CPS1: variants seen among roughly 807,000 people sequenced by gnomAD.
CPS1 encodes carbamoyl-phosphate synthase 1.
A neutral mutation model predicts 174.6 loss-of-function variants in CPS1; 109 were observed. The ratio of observed to expected loss-of-function variants is 0.62; its 90% CI spans 0.53 to 0.73. The LOEUF is 0.73. Ranked by LOEUF, CPS1 falls within the 30% of genes least tolerant of loss-of-function variation. The pLI is 0.00. For missense variants in CPS1, 1,689 were observed against 1,821.9 expected (o/e 0.93, Z 1.33); for synonymous variants, 637 against 632.0 (o/e 1.01, Z -0.12).
At chr2:210,593,932 C>T (rs561241486) in intron 11 of CPS1, among the ~76,000 whole-genome samples, 2 of 151,888 alleles carry the variant, frequency 1.3e-5, no homozygotes, top group Admixed American at 6.6e-5. Flanking sequence ...ATTAGTACTT[C>T]GGATTAGGAA....
chr2:210,558,536 C>T (rs1174272463), intron 1 of CPS1, among the ~76,000 whole-genome samples: 1 of 151,980 alleles, frequency 6.6e-6, no homozygotes, highest in African/African-American at 2.4e-5. Flanking sequence ...AAGTTATCCC[C>T]TATGATTATA....
At chr2:210,493,452 C>G (rs1192785952) in intron 1 of CPS1, among the ~76,000 whole-genome samples, 1 of 152,174 alleles carries the variant, frequency 6.6e-6, no homozygotes, top group African/African-American at 2.4e-5. Flanking sequence ...CTCAGTGTTT[C>G]TGAGTGAGAT....
rs1253889114 is a variant in CPS1, at chr2:210,606,807, T to C, written c.2058T>C (p.Asn686=). 4 of 1,612,652 alleles carry C rather than the reference T, an allele frequency of 2.5e-6. No individual in the cohort carries two copies. The South Asian group carries it at 3.3e-5, about 13-fold the overall frequency. The stretch of plus-strand genomic sequence containing the variant: ...AGATGTTGAGACGTACTTCAATCAA[T>C]GTTGTTCGCCACTTGGGCATTGTGG... The part of the protein sequence containing the change: ...EFQMLRRTSI[N]VVRHLGIVGE... The change falls in exon 18 of 38, where the codon AAT becomes AAC. Residue 686 remains asparagine (N), a synonymous_variant. Transcript: ENST00000233072.
At chr2:210,636,580 G>T (rs1232973749) in intron 21 of CPS1, among the ~76,000 whole-genome samples, 1 of 151,996 alleles carries the variant, frequency 6.6e-6, no homozygotes, top group East Asian at 1.9e-4. Context: ...CTTAAATCCA[G>T]CAGGAAAAAG....
intron 6 of CPS1, among the ~76,000 whole-genome samples, chr2:210,583,078 A>G (rs940328433): frequency 1.3e-5 from 2 of 152,150 alleles, no homozygotes; most frequent in African/African-American, 2.4e-5. Context: ...CAGAGAGCCA[A>G]GAGAATTTTA....
chr2:210,525,060 A>T (rs141591012), intron 1 of CPS1, among the ~76,000 whole-genome samples: 1 of 151,896 alleles, frequency 6.6e-6, no homozygotes, highest in Non-Finnish European at 1.5e-5. Flanking sequence ...TTCCCGTAGT[A>T]ATAAGAACTA....
intron 23 of CPS1, among the ~76,000 whole-genome samples, chr2:210,639,569 G>A (rs1032385420): frequency 1.5e-5 from 2 of 130,074 alleles, no homozygotes; most frequent in Non-Finnish European, 3.1e-5. Flanking sequence ...CCGAGATTGC[G>A]CCACTGCAGT....
At chr2:210,631,912 A>G (rs1699883704) in intron 21 of CPS1, among the ~76,000 whole-genome samples, 1 of 152,238 alleles carries the variant, frequency 6.6e-6, no homozygotes, top group African/African-American at 2.4e-5. Flanking sequence ...TTTATTATGC[A>G]TATTTTAAAA....
intron 1 of CPS1, among the ~76,000 whole-genome samples, chr2:210,502,998 C>T (rs1286911030): frequency 2.0e-5 from 3 of 152,088 alleles, no homozygotes; most frequent in Non-Finnish European, 4.4e-5. Flanking sequence ...CAGGCACTGA[C>T]CTAATTTTTA....
At chr2:210,497,149 T>C (rs1695010035) in intron 1 of CPS1, among the ~76,000 whole-genome samples, 1 of 152,158 alleles carries the variant, frequency 6.6e-6, no homozygotes, top group Non-Finnish European at 1.5e-5. Context: ...TCATTACATT[T>C]GACCCAGATT....
At chr2:210,582,177 A>G (rs1288939206) in intron 5 of CPS1, among the ~76,000 whole-genome samples, 1 of 152,194 alleles carries the variant, frequency 6.6e-6, no homozygotes, top group Non-Finnish European at 1.5e-5. Flanking sequence ...GTGAATTAAT[A>G]TTACTATCAT....
At chr2:210,647,264 G>A (rs1247773675) in intron 25 of CPS1, among the ~76,000 whole-genome samples, 2 of 152,150 alleles carry the variant, frequency 1.3e-5, no homozygotes, top group Non-Finnish European at 2.9e-5. Context: ...GTGGTGCAGA[G>A]AATTTGTTAG....
chr2:210,642,431 A>G (rs1317328800), intron 24 of CPS1, 53 bp from the exon 25 acceptor site: 34 of 1,600,286 alleles, frequency 2.1e-5, no homozygotes, highest in Middle Eastern at 1.7e-4. Flanking sequence ...TTCTCTTTGT[A>G]TTGTAACTTC....
chr2:210,509,520 G>A (rs930915481), intron 1 of CPS1, among the ~76,000 whole-genome samples: 1 of 152,204 alleles, frequency 6.6e-6, no homozygotes, highest in Non-Finnish European at 1.5e-5. Flanking sequence ...AGTGTTGGAA[G>A]TTCTGGCCAG....
chr2:210,483,292 C>G (rs1388987801), intron 1 of CPS1, among the ~76,000 whole-genome samples: 2 of 152,118 alleles, frequency 1.3e-5, no homozygotes, highest in Non-Finnish European at 2.9e-5. Flanking sequence ...ATCCACATCC[C>G]CTTCCTAATA....
chr2:210,663,217 T>C lies in CPS1; in HGVS notation c.4002+20T>C, dbSNP rs1159283056. ...GGAGAGGTAACTAGTTAATAATCCA[T>C]GGAAGCTTTCATTAAATCTACTTTG... On this transcript the variant is annotated intron_variant, in intron 33 of 37. Transcript: ENST00000233072. 1 of 1,601,812 alleles carries C rather than the reference T, an allele frequency of 6.2e-7. No individual in the cohort carries two copies. Among genetic ancestry groups the C allele is most frequent in the Non-Finnish European group, 8.6e-7 (1 of 1,168,788 alleles).
At chr2:210,677,351 A>C (rs535154968) in intron 37 of CPS1, among the ~76,000 whole-genome samples, 1 of 152,372 alleles carries the variant, frequency 6.6e-6, no homozygotes, top group South Asian at 2.1e-4. Flanking sequence ...ATCAAAGGCC[A>C]TGAATGGCCA....
intron 4 of CPS1, among the ~76,000 whole-genome samples, chr2:210,579,102 T>C (rs538498943): frequency 1.8e-4 from 27 of 152,292 alleles, no homozygotes; most frequent in Non-Finnish European, 3.2e-4. Context: ...AACTAGAACA[T>C]GTTTTCATTT....
intron 21 of CPS1, among the ~76,000 whole-genome samples, chr2:210,627,128 T>C (rs1699721483): frequency 6.6e-6 from 1 of 152,170 alleles, no homozygotes; most frequent in Non-Finnish European, 1.5e-5. Context: ...ACCTGCATTG[T>C]TGACCCCACT....
Sources: gnomAD v4.1 joint callset for allele counts (sites outside exome capture counted in the v4.1 genomes callset) on GRCh38, gnomAD v4.1.1 for gene constraint, MANE v1.5 for transcripts, NCBI Gene and HGNC (gene_info 2026-07-23, HGNC 2026-07-21) for gene names.